The following TMEM132D variants were observed in gnomAD, a reference collection of about 807,000 sequenced individuals.
The protein encoded by TMEM132D is mature OL transmembrane protein.
A neutral mutation model predicts 62.3 loss-of-function variants in TMEM132D; 21 were observed. That is an observed-to-expected ratio of 0.34 (90% CI 0.24 to 0.49). TMEM132D has a LOEUF of 0.49. TMEM132D is among the 20% of genes least tolerant of loss of function. The probability of loss-of-function intolerance (pLI) is 0.99; values close to 1 mark genes in which losing one functional copy is unlikely to be tolerated. For synonymous variants in TMEM132D, 621 were observed against 575.6 expected, an observed-to-expected ratio of 1.08 and a Z score of -1.13; for missense variants, 1,346 against 1,402.8, an observed-to-expected ratio of 0.96 and a Z score of 0.65.
intron 4 of TMEM132D, among the ~76,000 whole-genome samples, chr12:129,290,558 A>C (rs1881423901): frequency 1.3e-5 from 2 of 152,226 alleles, no homozygotes; most frequent in African/African-American, 4.8e-5. Flanking sequence ...TGTTGAAATA[A>C]AATCATGAAA....
intron 1 of TMEM132D, among the ~76,000 whole-genome samples, chr12:129,810,611 AAGT>A (rs774867974): frequency 4.6e-5 from 7 of 152,192 alleles, no homozygotes; most frequent in Admixed American, 2.0e-4. Context: ...ACCATACAGA[AAGT>A]AGAGCGGCCC....
chr12:129,482,929 T>C (rs2137054598), intron 3 of TMEM132D, among the ~76,000 whole-genome samples: 1 of 147,488 alleles, frequency 6.8e-6, no homozygotes, highest in East Asian at 2.0e-4. Context: ...GTTTTATCTC[T>C]GAGAACATAT....
rs1358059050 is a variant in TMEM132D, at chr12:129,074,250, C to T, written c.2925G>A (p.Glu975=). ...GCGAGGAGGCAAAGTTGATGTGATT[C>T]TCCAACAGCTCTGTCCGGTTGCTTA... is the stretch of plus-strand genomic sequence containing the variant. ...VGLSNRTELL[E]NHINFASSQD... The change falls in exon 9 of 9, where the codon GAG becomes GAA. Residue 975 remains glutamate (E), a synonymous_variant. Transcript: ENST00000422113. 6.2e-7 allele frequency: 1 copy of T among 1,614,096 alleles called. No individual in the cohort carries two copies. Among genetic ancestry groups the T allele is most frequent in the South Asian group, 1.1e-5 (1 of 91,076 alleles).
intron 2 of TMEM132D, among the ~76,000 whole-genome samples, chr12:129,624,118 T>C (rs1258775470): frequency 1.3e-5 from 2 of 152,200 alleles, no homozygotes; most frequent in Admixed American, 6.5e-5. Context: ...GGGAAAACTA[T>C]AGAGCAGAGA....
In TMEM132D at chr12:129,232,473, C is replaced by G. The variant is rs78090455; in HGVS notation, c.1300-22810G>C. The stretch of plus-strand genomic sequence containing the variant: ...GAGGTCAGAAAGCACCATGCTAGCT[C>G]TGCCTTGCAGGTGAGACTGCCTTCT... On this transcript the variant is annotated intron_variant, in intron 4 of 8. Coordinates refer to ENST00000422113, the MANE Select transcript of TMEM132D (RefSeq NM_133448.3). Among the ~76,000 whole-genome samples the G allele has an allele frequency of 3.8e-3, 582 of 152,294 alleles. 4 individuals are homozygous for G. Among genetic ancestry groups the G allele is most frequent in the African/African-American group, 0.014 (563 of 41,558 alleles).
chr12:129,862,783 T>A (rs1276976641), intron 1 of TMEM132D, among the ~76,000 whole-genome samples: 1 of 151,632 alleles, frequency 6.6e-6, no homozygotes, highest in African/African-American at 2.4e-5. Context: ...AACCATTCCA[T>A]TGTAATAAAA....
At chr12:129,497,062 C>G (rs1419385020) in intron 3 of TMEM132D, among the ~76,000 whole-genome samples, 1 of 152,226 alleles carries the variant, frequency 6.6e-6, no homozygotes, top group East Asian at 1.9e-4. Context: ...CATCCCAGCA[C>G]TTTGAGAGGC....
intron 2 of TMEM132D, among the ~76,000 whole-genome samples, chr12:129,640,477 A>AT (rs1879615636): frequency 6.6e-6 from 1 of 152,064 alleles, no homozygotes; most frequent in Non-Finnish European, 1.5e-5. Flanking sequence ...TCCTGACCAC[A>AT]TTATCCAAAG....
intron 5 of TMEM132D, among the ~76,000 whole-genome samples, chr12:129,123,944 C>G (rs116830489): frequency 1.7e-3 from 262 of 152,270 alleles, no homozygotes; most frequent in African/African-American, 5.8e-3. Context: ...AACTCCACCA[C>G]CGGCTTTCCA....
At chr12:129,121,503 T>A (rs1366364570) in intron 5 of TMEM132D, among the ~76,000 whole-genome samples, 1 of 152,226 alleles carries the variant, frequency 6.6e-6, no homozygotes, top group South Asian at 2.1e-4. Flanking sequence ...GGAAAGAAGA[T>A]ACGAAGATGG....
intron 4 of TMEM132D, among the ~76,000 whole-genome samples, chr12:129,249,502 T>C (rs4759583): frequency 0.75 from 113,483 of 152,104 alleles, 42,508 homozygotes; most frequent in Middle Eastern, 0.79. Context: ...AGGTGGCAGG[T>C]ACTTGGGTGA....
intron 1 of TMEM132D, among the ~76,000 whole-genome samples, chr12:129,844,064 G>A (rs1566005769): frequency 6.6e-6 from 1 of 152,138 alleles, no homozygotes; most frequent in Non-Finnish European, 1.5e-5. Context: ...TCATGCCACT[G>A]CACTCCAGCC....
intron 1 of TMEM132D, chr12:129,853,830 A>G (rs2137358300): frequency 6.6e-6 from 1 of 152,180 alleles, no homozygotes; most frequent in Middle Eastern, 3.4e-3. Flanking sequence ...GGGGAGTCTT[A>G]GGTTTGACTC....
At position 129,257,284 on chromosome 12, in the gene TMEM132D, G is replaced by A. The variant is rs554788995; in HGVS notation, c.1300-47621C>T. The stretch of plus-strand genomic sequence containing the variant: ...TGCAGTGGCACGATCTCGGCTCACT[G>A]CAAGCTCTGCCTCCCGGGTTCACGC... On this transcript the variant is annotated intron_variant, in intron 4 of 8. Transcript: ENST00000422113. 8.1e-5 allele frequency among the ~76,000 whole-genome samples: 12 copies of A among 147,748 alleles called. No individual in the cohort carries two copies. In the South Asian group the frequency reaches 2.6e-3, roughly 31 times the overall value.
At chr12:129,094,483 T>C (rs1310311070) in intron 5 of TMEM132D, among the ~76,000 whole-genome samples, 1 of 152,178 alleles carries the variant, frequency 6.6e-6, no homozygotes, top group Non-Finnish European at 1.5e-5. Flanking sequence ...CACAATGCGA[T>C]ACCATCTTAC....
At chr12:129,792,054 C>G (rs1871415740) in intron 1 of TMEM132D, among the ~76,000 whole-genome samples, 3 of 152,194 alleles carry the variant, frequency 2.0e-5, no homozygotes, top group Admixed American at 2.0e-4. Context: ...ATTGACATCT[C>G]AGGGGGCCAT....
At chr12:129,794,739 C>CT (rs1871510999) in intron 1 of TMEM132D, among the ~76,000 whole-genome samples, 1 of 152,204 alleles carries the variant, frequency 6.6e-6, no homozygotes, top group African/African-American at 2.4e-5. Context: ...TGAGTGCGAT[C>CT]TTTTTTCCAC....
intron 5 of TMEM132D, among the ~76,000 whole-genome samples, chr12:129,174,776 T>A (rs1877854576): frequency 6.6e-6 from 1 of 152,246 alleles, no homozygotes; most frequent in African/African-American, 2.4e-5. Context: ...CCATTCTGAC[T>A]GGCATGAGAT....
intron 1 of TMEM132D, among the ~76,000 whole-genome samples, chr12:129,868,003 G>A (rs902082051): frequency 2.6e-5 from 4 of 152,168 alleles, no homozygotes; most frequent in African/African-American, 7.2e-5. Context: ...ATGAGGCGGC[G>A]TTTCTATGGT....
Sources: gnomAD v4.1 joint callset for allele counts (sites outside exome capture counted in the v4.1 genomes callset) on GRCh38, gnomAD v4.1.1 for gene constraint, MANE v1.5 for transcripts, NCBI Gene and HGNC (gene_info 2026-07-23, HGNC 2026-07-21) for gene names.